DNAJC3: variants seen among roughly 807,000 people sequenced by gnomAD.
DNAJC3 encodes the protein DnaJ heat shock protein family (Hsp40) member C3.
A neutral mutation model predicts 68.6 loss-of-function variants in DNAJC3; 38 were observed. The observed-to-expected ratio is 0.55, with a 90% CI of 0.43 to 0.73. DNAJC3 has a LOEUF of 0.73. DNAJC3 is among the 30% of genes least tolerant of loss of function. The pLI is 0.00. For synonymous variants in DNAJC3, 203 were observed against 204.0 expected (o/e 1.00, Z 0.04); for missense variants, 526 against 591.9 (o/e 0.89, Z 1.16).
At chr13:95,711,355 A>G (rs1880955131) in intron 2 of DNAJC3, among the ~76,000 whole-genome samples, 1 of 152,030 alleles carries the variant, frequency 6.6e-6, no homozygotes, top group South Asian at 2.1e-4. Flanking sequence ...AAATTAGCCA[A>G]GCGTGGTGGT....
intron 1 of DNAJC3, chr13:95,693,065 C>T (rs1034672872): frequency 6.6e-6 from 1 of 152,272 alleles, no homozygotes; most frequent in Admixed American, 6.5e-5. Context: ...CGTGATCTGC[C>T]TGCCTCGGCC....
At chr13:95,713,053 C>A (rs1449756074) in intron 2 of DNAJC3, among the ~76,000 whole-genome samples, 3 of 152,112 alleles carry the variant, frequency 2.0e-5, no homozygotes, top group African/African-American at 7.2e-5. Flanking sequence ...GAGGATGTGT[C>A]TGCTGCCCCT....
At chr13:95,777,080 G>A (rs1883313513) in intron 9 of DNAJC3, among the ~76,000 whole-genome samples, 1 of 152,134 alleles carries the variant, frequency 6.6e-6, no homozygotes, top group African/African-American at 2.4e-5. Flanking sequence ...AGTTTCCTCA[G>A]GGAGGTCCTA....
intron 2 of DNAJC3, 125 bp from the exon 3 acceptor site, chr13:95,723,117 A>G: frequency 1.1e-6 from 1 of 885,580 alleles, no homozygotes; most frequent in Non-Finnish European, 1.6e-6. Flanking sequence ...TTTGATGATG[A>G]GATTCTTTTC....
At chr13:95,761,065 C>T (rs1882806262) in intron 7 of DNAJC3, among the ~76,000 whole-genome samples, 1 of 152,154 alleles carries the variant, frequency 6.6e-6, no homozygotes, top group Admixed American at 6.5e-5. Context: ...GAGCTATGTA[C>T]TGAGGGTGCA....
rs1372847230 is a variant in DNAJC3, at chr13:95,677,325, C to A, written c.70C>A (p.Leu24Met). ...CCCCTTCCTGCTAGTCCTGGTGGATCTGCAGTACGAAGGTGAGTCCTGCCC... is the reference window on the plus strand; with the variant it reads ...CCCCTTCCTGCTAGTCCTGGTGGATATGCAGTACGAAGGTGAGTCCTGCCC... ...VFPFLLVLVD[L>M]QYEGAECGVN... The change falls in exon 1 of 12, where the codon CTG becomes ATG. Residue 24 changes from leucine (L) to methionine (M), a missense_variant. Physicochemically the swap from Leu to Met is conservative, Grantham distance 15. Coordinates refer to ENST00000602402, the MANE Select transcript of DNAJC3 (RefSeq NM_006260.5). 5 of 1,598,926 alleles carry A rather than the reference C, an allele frequency of 3.1e-6. No homozygotes were observed. The highest frequency in any genetic ancestry group is 4.3e-6 in the Non-Finnish European group (5 of 1,174,144).
At chr13:95,764,760 CATA>C (rs1882942957) in intron 9 of DNAJC3, among the ~76,000 whole-genome samples, 1 of 105,158 alleles carries the variant, frequency 9.5e-6, no homozygotes, top group Admixed American at 1.1e-4. Context: ...TATATATATA[CATA>C]TATATATATA....
chr13:95,783,088 G>T (rs975528918), intron 9 of DNAJC3, among the ~76,000 whole-genome samples: 1 of 152,062 alleles, frequency 6.6e-6, no homozygotes, highest in African/African-American at 2.4e-5. Flanking sequence ...CCCATTGCTT[G>T]TTTTTTGTCT....
chr13:95,776,923 TTCTGCACC>T (rs1883309500), intron 9 of DNAJC3, among the ~76,000 whole-genome samples: 1 of 152,208 alleles, frequency 6.6e-6, no homozygotes, highest in Non-Finnish European at 1.5e-5. Context: ...GCTGTATCCC[TTCTGCACC>T]ATCAGGGCAC....
intron 1 of DNAJC3, among the ~76,000 whole-genome samples, chr13:95,681,062 T>G (rs1485774989): frequency 1.3e-5 from 2 of 152,238 alleles, no homozygotes; most frequent in East Asian, 1.9e-4. Context: ...AACTCATGGC[T>G]TTTGCTTTTG....
intron 9 of DNAJC3, among the ~76,000 whole-genome samples, chr13:95,774,569 C>A (rs1883247188): frequency 6.6e-6 from 1 of 152,184 alleles, no homozygotes; most frequent in African/African-American, 2.4e-5. Flanking sequence ...TTGTTAAGAT[C>A]TTTGATAATC....
chr13:95,769,337 G>A (rs1003074007), intron 9 of DNAJC3, among the ~76,000 whole-genome samples: 8 of 152,182 alleles, frequency 5.3e-5, no homozygotes, highest in Non-Finnish European at 1.0e-4. Context: ...TTTTTTTCAA[G>A]GTTGTTAACC....
At chr13:95,728,445 G>T (rs952862986) in intron 4 of DNAJC3, among the ~76,000 whole-genome samples, 9 of 152,278 alleles carry the variant, frequency 5.9e-5, no homozygotes, top group Middle Eastern at 3.4e-3. Flanking sequence ...ATCGTTTCCT[G>T]TGCTTATTTG....
chr13:95,742,156 C>T (rs1882165753), intron 4 of DNAJC3, among the ~76,000 whole-genome samples: 1 of 152,150 alleles, frequency 6.6e-6, no homozygotes, highest in African/African-American at 2.4e-5. Context: ...GTGCTCAGTA[C>T]ATTTTAAAAT....
rs1414584501 is a variant in DNAJC3, at chr13:95,792,269, A to C, written c.*1239A>C. On this transcript the variant is annotated 3_prime_UTR_variant, in exon 12 of 12. Transcript: ENST00000602402. ...AAGAAGTGAACTATTCAGTCTTTGTATACTGAATGCTTTTTCCCTAAAAAA... is the reference window on the plus strand; with the variant it reads ...AAGAAGTGAACTATTCAGTCTTTGTCTACTGAATGCTTTTTCCCTAAAAAA... 1 of 152,234 alleles carries C rather than the reference A, an allele frequency of 6.6e-6. No individual in the cohort carries two copies. The highest frequency in any genetic ancestry group is 1.5e-5 in the Non-Finnish European group (1 of 68,040). The allele number at this position is 152,234 out of a possible 1,614,324, so 9.4% of individuals were successfully genotyped here. A position where few individuals can be genotyped will look rare whatever the true frequency, so the allele number is the denominator to read the frequency against.
At chr13:95,706,310 AC>A (rs1423336288) in intron 1 of DNAJC3, among the ~76,000 whole-genome samples, 2 of 152,162 alleles carry the variant, frequency 1.3e-5, no homozygotes, top group Non-Finnish European at 2.9e-5. Flanking sequence ...TTCTAGTAAA[AC>A]TTTAGTTACA....
intron 4 of DNAJC3, among the ~76,000 whole-genome samples, chr13:95,751,975 C>A (rs1247055714): frequency 1.3e-5 from 2 of 152,192 alleles, no homozygotes; most frequent in African/African-American, 4.8e-5. Flanking sequence ...TCCCGTGATA[C>A]AATTACCTCC....
intron 9 of DNAJC3, among the ~76,000 whole-genome samples, chr13:95,766,443 T>C (rs888665924): frequency 2.0e-5 from 3 of 152,182 alleles, no homozygotes; most frequent in African/African-American, 7.2e-5. Context: ...TACTAAAATA[T>C]TGGCAAAGTT....
At chr13:95,683,886 T>C (rs936901148) in intron 1 of DNAJC3, among the ~76,000 whole-genome samples, 4 of 146,974 alleles carry the variant, frequency 2.7e-5, no homozygotes, top group African/African-American at 7.6e-5. Flanking sequence ...TGAGCCGAGA[T>C]TGCACCACTG....
Sources: gnomAD v4.1 joint callset for allele counts (sites outside exome capture counted in the v4.1 genomes callset) on GRCh38, gnomAD v4.1.1 for gene constraint, MANE v1.5 for transcripts, NCBI Gene and HGNC (gene_info 2026-07-23, HGNC 2026-07-21) for gene names.